Variants in MYO3B observed in about 807,000 individuals in gnomAD.
The protein encoded by MYO3B is myosin-IIIb.
In MYO3B, 156 loss-of-function variants were observed where a neutral mutation model predicts 174.6. The ratio of observed to expected loss-of-function variants is 0.89; its 90% CI spans 0.78 to 1.02. The LOEUF (loss-of-function observed/expected upper bound fraction) is 1.02. MYO3B is among the 50% of genes least tolerant of loss of function. The probability of loss-of-function intolerance (pLI) is 0.00; values close to 1 mark genes in which losing one functional copy is unlikely to be tolerated. For synonymous variants in MYO3B, 563 were observed against 569.1 expected, an observed-to-expected ratio of 0.99 and a Z score of 0.15; for missense variants, 1,632 against 1,639.4, an observed-to-expected ratio of 1.00 and a Z score of 0.08.
intron 7 of MYO3B, among the ~76,000 whole-genome samples, chr2:170,276,962 A>C (rs2093468005): frequency 6.6e-6 from 1 of 152,178 alleles, no homozygotes; most frequent in African/African-American, 2.4e-5. Flanking sequence ...TGGGCTCTAA[A>C]GGTAAATTGT....
At chr2:170,651,820 AG>A (rs1188507666) in intron 33 of MYO3B, 86 bp downstream of exon 33, 1 of 1,008,094 alleles carries the variant, frequency 9.9e-7, no homozygotes, top group African/African-American at 1.7e-5. Context: ...CAGCCCCTGC[AG>A]CCCCACCCCC....
intron 16 of MYO3B, among the ~76,000 whole-genome samples, chr2:170,393,870 G>A (rs1201083798): frequency 6.6e-6 from 1 of 152,064 alleles, no homozygotes; most frequent in South Asian, 2.1e-4. Context: ...CTTCTTAGAG[G>A]GGGGCAATTA....
chr2:170,243,840 G>A (rs2093161890), intron 7 of MYO3B, among the ~76,000 whole-genome samples: 1 of 152,144 alleles, frequency 6.6e-6, no homozygotes, highest in Non-Finnish European at 1.5e-5. Flanking sequence ...GAGAATGAAG[G>A]CTGATTTCTG....
chr2:170,528,486 A>G lies in MYO3B; in HGVS notation c.3575+8946A>G, dbSNP rs577086723. On this transcript the variant is annotated intron_variant, in intron 30 of 34. Transcript: ENST00000408978. ...AGTGGCGCAATCTCAGCTCACTGCA[A>G]CCTCTGCCTCCCGGGTTTAACCGAT... Among the ~76,000 whole-genome samples, 8 of 152,236 alleles carry G rather than the reference A, an allele frequency of 5.3e-5. No homozygotes were observed. The South Asian group carries it at 1.5e-3, about 28-fold the overall frequency.
chr2:170,251,312 A>T (rs2093250826), intron 7 of MYO3B, among the ~76,000 whole-genome samples: 1 of 152,182 alleles, frequency 6.6e-6, no homozygotes, highest in Non-Finnish European at 1.5e-5. Flanking sequence ...CAGTTAATAA[A>T]AACAAATAAG....
chr2:170,651,541 C>A, intron 32 of MYO3B, 87 bp from the exon 33 acceptor site: 1 of 989,582 alleles, frequency 1.0e-6, no homozygotes, highest in South Asian at 1.3e-5. Context: ...ACAGTTTCTA[C>A]TAAGTGCATT....
chr2:170,328,377 T>C (rs1177874617), intron 7 of MYO3B, among the ~76,000 whole-genome samples: 1 of 152,170 alleles, frequency 6.6e-6, no homozygotes, highest in Non-Finnish European at 1.5e-5. Flanking sequence ...CAGTGTGTTC[T>C]ATGGAGTTTT....
At chr2:170,452,814 A>G (rs908327096) in intron 23 of MYO3B, among the ~76,000 whole-genome samples, 2 of 152,230 alleles carry the variant, frequency 1.3e-5, no homozygotes, top group African/African-American at 2.4e-5. Context: ...AGCCGTCCAT[A>G]GGGGAAAATA....
chr2:170,553,431 C>T (rs1032160342), intron 32 of MYO3B, among the ~76,000 whole-genome samples: 1 of 152,312 alleles, frequency 6.6e-6, no homozygotes, highest in Admixed American at 6.5e-5. Context: ...TAATGACTAC[C>T]CTGCTGGGTT....
chr2:170,486,507 T>C (rs1327868702), intron 25 of MYO3B, among the ~76,000 whole-genome samples: 1 of 152,130 alleles, frequency 6.6e-6, no homozygotes, highest in Admixed American at 6.5e-5. Context: ...TTTCTCCATG[T>C]TGAGGCTGGT....
Position 170,515,114 on chromosome 2 carries a change from G to C in MYO3B, c.3472+92G>C, listed in dbSNP as rs544557330. 1.6e-5 allele frequency: 17 copies of C among 1,052,642 alleles called. No homozygotes were observed. The South Asian group carries it at 2.7e-4, about 16-fold the overall frequency. 65.2% of individuals were successfully genotyped at this position (1,052,642 alleles called of 1,614,324 possible). ...CTGGAAGTGATCACCTCTTATATAA[G>C]AACCTTCTGTCCACCACTCCTTCTT... On this transcript the variant is annotated intron_variant, in intron 29 of 34. Transcript: ENST00000408978.
intron 32 of MYO3B, among the ~76,000 whole-genome samples, chr2:170,608,079 C>T (rs960731214): frequency 6.6e-6 from 1 of 152,148 alleles, no homozygotes; most frequent in Non-Finnish European, 1.5e-5. Context: ...GACAGGTACA[C>T]TTCTGGAGGT....
chr2:170,548,364 A>C (rs926238150), intron 32 of MYO3B, among the ~76,000 whole-genome samples: 1 of 152,166 alleles, frequency 6.6e-6, no homozygotes. Flanking sequence ...ATGTCCTAAC[A>C]AACATCCTAG....
chr2:170,254,517 T>C (rs567149748), intron 7 of MYO3B, among the ~76,000 whole-genome samples: 1 of 152,210 alleles, frequency 6.6e-6, no homozygotes, highest in South Asian at 2.1e-4. Flanking sequence ...CAAGAGGGTG[T>C]GCAAAACAGA....
At chr2:170,403,386 G>A (rs1374974617) in intron 19 of MYO3B, among the ~76,000 whole-genome samples, 4 of 152,138 alleles carry the variant, frequency 2.6e-5, no homozygotes, top group Non-Finnish European at 5.9e-5. Flanking sequence ...TCCCCTATCT[G>A]CTATATACCA....
chr2:170,285,120 C>A (rs67306628), intron 7 of MYO3B, among the ~76,000 whole-genome samples: 19,521 of 152,162 alleles, frequency 0.13, 1,490 homozygotes, highest in Admixed American at 0.24. Context: ...TATGTTCTTA[C>A]TGATGGGTGG....
chr2:170,273,567 T>A (rs987974213), intron 7 of MYO3B, among the ~76,000 whole-genome samples: 4 of 152,146 alleles, frequency 2.6e-5, no homozygotes, highest in Non-Finnish European at 5.9e-5. Flanking sequence ...TCATCGTTCT[T>A]TATGTTTAAC....
intron 9 of MYO3B, among the ~76,000 whole-genome samples, chr2:170,372,026 G>C: frequency 6.9e-6 from 1 of 145,726 alleles, no homozygotes; most frequent in East Asian, 2.1e-4. Flanking sequence ...GGCTGACATG[G>C]CAGGATCACT....
chr2:170,524,157 G>A (rs1378154361), intron 30 of MYO3B, among the ~76,000 whole-genome samples: 1 of 152,090 alleles, frequency 6.6e-6, no homozygotes, highest in African/African-American at 2.4e-5. Context: ...TGCTATGCCA[G>A]TTTTTTTTCC....
Sources: gnomAD v4.1 joint callset for allele counts (sites outside exome capture counted in the v4.1 genomes callset) on GRCh38, gnomAD v4.1.1 for gene constraint, MANE v1.5 for transcripts, NCBI Gene and HGNC (gene_info 2026-07-23, HGNC 2026-07-21) for gene names.